WWOX: variants seen among roughly 807,000 people sequenced by gnomAD.
WWOX encodes WW domain-containing oxidoreductase.
Under a neutral mutation model 46.2 loss-of-function variants are expected in WWOX, and 69 were observed. The ratio of observed to expected loss-of-function variants is 1.49; its 90% confidence interval spans 1.23 to 1.82. The LOEUF (loss-of-function observed/expected upper bound fraction) is 1.82, where lower values mean the gene tolerates loss of function less well. Among genes scored for constraint, WWOX ranks in the 40% most tolerant of loss-of-function variants. WWOX has a pLI of 0.00. For missense variants in WWOX, 919 were observed against 542.6 expected (o/e 1.69, Z -6.89); for synonymous variants, 359 against 202.6 (o/e 1.77, Z -6.56).
intron 5 of WWOX, among the ~76,000 whole-genome samples, chr16:78,213,373 A>G (rs925791646): frequency 1.3e-5 from 2 of 151,370 alleles, no homozygotes; most frequent in African/African-American, 2.4e-5. Flanking sequence ...TGGCTTAAGC[A>G]CTTCCACTCA....
chr16:78,188,496 A>G (rs1024951167), intron 5 of WWOX, among the ~76,000 whole-genome samples: 47 of 152,060 alleles, frequency 3.1e-4, no homozygotes, highest in Admixed American at 3.3e-4. Flanking sequence ...TCAAAAAAAA[A>G]AAAAAAAAAT....
intron 8 of WWOX, among the ~76,000 whole-genome samples, chr16:78,939,734 A>G (rs2045814227): frequency 6.6e-6 from 1 of 152,204 alleles, no homozygotes; most frequent in Non-Finnish European, 1.5e-5. Flanking sequence ...AAAAATCCCC[A>G]TTTCTGGGTA....
chr16:78,829,086 A>AGATGGATG (rs59225171), intron 8 of WWOX, among the ~76,000 whole-genome samples: 7,699 of 147,676 alleles, frequency 0.052, 257 homozygotes, highest in African/African-American at 0.085. Flanking sequence ...TCCATCTGGA[A>AGATGGATG]GATGGATGGA....
intron 5 of WWOX, among the ~76,000 whole-genome samples, chr16:78,314,714 T>G (rs866043787): frequency 2.0e-4 from 29 of 142,130 alleles, no homozygotes; most frequent in African/African-American, 4.2e-4. Flanking sequence ...TTTTTTTTTT[T>G]TTTTTTTCTG....
At chr16:79,010,387 C>G (rs1441626501) in intron 8 of WWOX, among the ~76,000 whole-genome samples, 2 of 152,062 alleles carry the variant, frequency 1.3e-5, no homozygotes, top group Non-Finnish European at 2.9e-5. Flanking sequence ...ATCTGGAACC[C>G]CAGGACTCAA....
At chr16:79,058,952 C>A (rs1183208780) in intron 8 of WWOX, among the ~76,000 whole-genome samples, 1 of 152,164 alleles carries the variant, frequency 6.6e-6, no homozygotes, top group Admixed American at 6.5e-5. Flanking sequence ...GTAAAGGTAA[C>A]ACATAGCACC....
At chr16:79,118,746 G>T (rs1466378456) in intron 8 of WWOX, among the ~76,000 whole-genome samples, 2 of 152,168 alleles carry the variant, frequency 1.3e-5, no homozygotes, top group African/African-American at 2.4e-5. Context: ...GTGTTGTGTT[G>T]TGTGGTGTTT....
intron 8 of WWOX, among the ~76,000 whole-genome samples, chr16:78,815,534 A>G (rs2051306737): frequency 6.6e-6 from 1 of 152,160 alleles, no homozygotes; most frequent in Non-Finnish European, 1.5e-5. Flanking sequence ...CTGACCAAGA[A>G]TTTGAAATCT....
chr16:78,460,461 G>GA (rs2083923318), intron 8 of WWOX, among the ~76,000 whole-genome samples: 2 of 152,128 alleles, frequency 1.3e-5, no homozygotes, highest in South Asian at 4.1e-4. Flanking sequence ...TCTACTCTTT[G>GA]TCCTTTTCTC....
chr16:78,188,907 C>G (rs2035794059), intron 5 of WWOX, among the ~76,000 whole-genome samples: 1 of 152,130 alleles, frequency 6.6e-6, no homozygotes, highest in African/African-American at 2.4e-5. Context: ...TGGTGAAGAT[C>G]AGACTCTGCT....
At chr16:78,114,662 A>T (rs1463417335) in intron 3 of WWOX, among the ~76,000 whole-genome samples, 1 of 149,100 alleles carries the variant, frequency 6.7e-6, no homozygotes, top group East Asian at 1.9e-4. Context: ...CATTTACATG[A>T]ATTACATAAA....
intron 5 of WWOX, among the ~76,000 whole-genome samples, chr16:78,298,396 A>G (rs1318515186): frequency 6.6e-6 from 1 of 152,072 alleles, no homozygotes; most frequent in Non-Finnish European, 1.5e-5. Context: ...TCAGATAGAC[A>G]TGGGTTTGTA....
At chr16:78,423,257 C>G (rs2082994362) in intron 6 of WWOX, among the ~76,000 whole-genome samples, 1 of 152,062 alleles carries the variant, frequency 6.6e-6, no homozygotes, top group Non-Finnish European at 1.5e-5. Context: ...GTGTCTGTGT[C>G]TGATAATAAA....
At chr16:78,928,669 A>G (rs953456614) in intron 8 of WWOX, among the ~76,000 whole-genome samples, 1 of 151,946 alleles carries the variant, frequency 6.6e-6, no homozygotes, top group Non-Finnish European at 1.5e-5. Flanking sequence ...ACTGGAAAAA[A>G]AAATAATAGG....
Position 78,386,712 on chromosome 16 carries a change from C to G in WWOX, c.517-148C>G, listed in dbSNP as rs574672745. 1.8e-4 allele frequency: 98 copies of G among 549,576 alleles called. 1 individual carries two copies. Among genetic ancestry groups the G allele is most frequent in the South Asian group, 1.6e-3 (94 of 59,252 alleles). 34.0% of individuals were successfully genotyped at this position (549,576 alleles called of 1,614,324 possible). A position where few individuals can be genotyped will look rare whatever the true frequency, so the allele number is the denominator to read the frequency against. The stretch of plus-strand genomic sequence containing the variant: ...CTTGGCAGTAAAAGCCCTGTTCTTC[C>G]ATTCATTCCGATGATTTATATTCTC... On this transcript the variant is annotated intron_variant, in intron 5 of 8. Transcript: ENST00000566780.
chr16:78,908,304 C>T (rs2045018995), intron 8 of WWOX, among the ~76,000 whole-genome samples: 3 of 151,996 alleles, frequency 2.0e-5, no homozygotes, highest in Admixed American at 6.6e-5. Context: ...TTTTGGGAGG[C>T]CAAGGAGGGT....
intron 8 of WWOX, among the ~76,000 whole-genome samples, chr16:78,739,844 G>T (rs577224787): frequency 6.6e-6 from 1 of 152,070 alleles, no homozygotes; most frequent in African/African-American, 2.4e-5. Flanking sequence ...AAAAACCCCA[G>T]ATATTCCTTA....
At chr16:78,308,418 C>T (rs1176519412) in intron 5 of WWOX, among the ~76,000 whole-genome samples, 1 of 152,102 alleles carries the variant, frequency 6.6e-6, no homozygotes, top group Non-Finnish European at 1.5e-5. Context: ...CACAACTGAA[C>T]AGCATTAGCA....
chr16:78,652,653 C>G lies in WWOX; in HGVS notation c.1056+219901C>G, dbSNP rs1158055581. On this transcript the variant is annotated intron_variant, in intron 8 of 8. Coordinates refer to ENST00000566780, the MANE Select transcript of WWOX (RefSeq NM_016373.4). ...CACACAGCCAAGATTCCTCGACCAC[C>G]CATGACTCTGGATTTATCATCCTCA... 2.5e-4 allele frequency among the ~76,000 whole-genome samples: 38 copies of G among 152,056 alleles called. 1 individual carries two copies.
Sources: allele counts gnomAD v4.1 joint callset (sites outside exome capture counted in the v4.1 genomes callset), GRCh38; gene constraint gnomAD v4.1.1; transcripts MANE v1.5; gene names NCBI Gene and HGNC (gene_info 2026-07-23, HGNC 2026-07-21).